The following CNOT1 variants were observed in gnomAD, a reference collection of about 807,000 sequenced individuals.
CNOT1 encodes CCR4-NOT transcription complex subunit 1.
In CNOT1, 15 loss-of-function variants were observed where a neutral mutation model predicts 273.8. The ratio of observed to expected loss-of-function variants is 0.05; its 90% confidence interval spans 0.04 to 0.08. The LOEUF (loss-of-function observed/expected upper bound fraction) is 0.08. CNOT1 is among the 10% of genes least tolerant of loss of function. The pLI, the probability that CNOT1 is intolerant of heterozygous loss-of-function variation, is 1.00. For synonymous variants in CNOT1, 1,022 were observed against 1,005.5 expected, an observed-to-expected ratio of 1.02 and a Z score of -0.31; for missense variants, 1,644 against 2,912.2, an observed-to-expected ratio of 0.56 and a Z score of 10.02.
Position 58,555,394 on chromosome 16 carries a change from T to C in CNOT1, c.2748A>G (p.Leu916=), listed in dbSNP as rs201182374. 3.1e-6 allele frequency: 5 copies of C among 1,614,104 alleles called. No homozygotes were observed. In the East Asian group the frequency reaches 6.7e-5, roughly 22 times the overall value. ...GTCCTTTCTCAATTATACCACCAAA[T>C]AGGCAGGCTGTTATATGTAACTCTT... is the stretch of plus-strand genomic sequence containing the variant. ...PDKELHITAC[L]FGGIIEKGLV... is the part of the protein sequence containing the mutation. Residue 916 remains leucine (L), a synonymous_variant, in exon 21 of 49, where the codon CTA becomes CTG. Transcript: ENST00000317147.
rs1482704521 is a variant in CNOT1 at position 58,538,013 on chromosome 16, C to T, written c.5292G>A (p.Gln1764=). Residue 1764 remains glutamine, a synonymous_variant, in exon 38 of 49, where the codon CAG becomes CAA. Coordinates refer to ENST00000317147, the MANE Select transcript of CNOT1 (RefSeq NM_016284.5). The stretch of plus-strand genomic sequence containing the variant: ...CATCCACCAGCAGGATTTTTACTAA[C>T]TGCATAGCAAATGCCACAGCCATGT... ...LNYMAVAFAM[Q]LVKILLVDER... 1.9e-6 allele frequency: 3 copies of T among 1,614,196 alleles called. No individual in the cohort carries two copies. Among genetic ancestry groups the T allele is most frequent in the African/African-American group, 2.7e-5 (2 of 75,044 alleles).
intron 16 of CNOT1, among the ~76,000 whole-genome samples, chr16:58,563,725 C>G (rs1260201883): frequency 1.3e-5 from 2 of 152,162 alleles, no homozygotes. Context: ...TAATAACAGG[C>G]ACATACTATA....
intron 45 of CNOT1, 149 bp from the exon 46 acceptor site, chr16:58,525,508 A>AAT: frequency 1.5e-6 from 1 of 673,414 alleles, no homozygotes. Flanking sequence ...TTATTTAACA[A>AAT]ACACACAGAT....
At chr16:58,581,594 C>T in intron 10 of CNOT1, 79 bp from the exon 11 acceptor site, 1 of 1,446,920 alleles carries the variant, frequency 6.9e-7, no homozygotes, top group Non-Finnish European at 9.1e-7. Context: ...CAAATTAAAT[C>T]TGAAATTCAA....
rs1304031233 is a variant in CNOT1 at position 58,547,556 on chromosome 16, T to A, written c.3639+10A>T. 1 of 1,602,446 alleles carries A rather than the reference T, an allele frequency of 6.2e-7. No individual in the cohort carries two copies. On this transcript the variant is annotated intron_variant, in intron 26 of 48. Coordinates refer to ENST00000317147, the MANE Select transcript of CNOT1 (RefSeq NM_016284.5). The surrounding 1 kb of genome is among the most constrained non-coding windows in gnomAD (Gnocchi z 4.0). ...GATTCTCAATTTTTACACATTTAGATGAAACTCACAGTGTGTAAGATGGGT... is the reference window on the plus strand; with the variant it reads ...GATTCTCAATTTTTACACATTTAGAAGAAACTCACAGTGTGTAAGATGGGT...
intron 2 of CNOT1, among the ~76,000 whole-genome samples, chr16:58,594,298 C>T (rs1427758254): frequency 4.0e-5 from 6 of 151,890 alleles, no homozygotes; most frequent in Middle Eastern, 3.2e-3. Flanking sequence ...CACAGAAGGC[C>T]ACATACAGTA....
At chr16:58,585,008 A>T (rs1249594433) in intron 8 of CNOT1, among the ~76,000 whole-genome samples, 3 of 152,176 alleles carry the variant, frequency 2.0e-5, no homozygotes, top group Admixed American at 6.5e-5. Flanking sequence ...TAGTCACATT[A>T]AGTGTAAAGC....
At chr16:58,619,020 C>T (rs2043201915) in intron 1 of CNOT1, among the ~76,000 whole-genome samples, 1 of 152,020 alleles carries the variant, frequency 6.6e-6, no homozygotes, top group Non-Finnish European at 1.5e-5. Flanking sequence ...TAGTGAGACC[C>T]CCATCACTAT....
intron 1 of CNOT1, among the ~76,000 whole-genome samples, chr16:58,625,857 C>CAAAAAAA (rs35404068): frequency 1.9e-5 from 2 of 106,398 alleles, no homozygotes; most frequent in South Asian, 3.5e-4. Context: ...AACCCTGTCT[C>CAAAAAAA]AAAAAAAAAA....
intron 38 of CNOT1, among the ~76,000 whole-genome samples, 154 bp downstream of exon 38, chr16:58,537,737 T>A (rs962748358): frequency 2.6e-5 from 4 of 152,228 alleles, no homozygotes; most frequent in African/African-American, 9.6e-5. Context: ...CTTTCATACT[T>A]CAAGTGACAA....
chr16:58,551,281 A>T lies in CNOT1; in HGVS notation c.3202-9T>A. 6.4e-7 allele frequency: 1 copy of T among 1,563,756 alleles called. No individual in the cohort carries two copies. Among genetic ancestry groups the T allele is most frequent in the Non-Finnish European group, 8.6e-7 (1 of 1,164,316 alleles). On this transcript the variant is annotated splice_polypyrimidine_tract_variant and intron_variant, in intron 23 of 48. Coordinates refer to ENST00000317147, the MANE Select transcript of CNOT1 (RefSeq NM_016284.5). Reference sequence around the variant, plus strand: ...GTAGTATTAATAGAAGGCTAAAAAAAAAAAATAAAGTACATAAGGCAAATA... The same window carrying T: ...GTAGTATTAATAGAAGGCTAAAAAATAAAAATAAAGTACATAAGGCAAATA...
intron 40 of CNOT1, among the ~76,000 whole-genome samples, chr16:58,533,804 G>A (rs931170888): frequency 1.2e-4 from 18 of 152,060 alleles, no homozygotes; most frequent in Admixed American, 8.5e-4. Flanking sequence ...CAGTCTGGGC[G>A]ACAGAGCGAG....
intron 16 of CNOT1, among the ~76,000 whole-genome samples, chr16:58,566,698 C>T (rs1005720116): frequency 2.0e-5 from 3 of 152,188 alleles, no homozygotes; most frequent in African/African-American, 7.2e-5. Context: ...CGGAGTTTCA[C>T]TCTTGTTGCC....
intron 2 of CNOT1, among the ~76,000 whole-genome samples, chr16:58,593,143 C>T (rs963086160): frequency 6.6e-6 from 1 of 152,180 alleles, no homozygotes; most frequent in Non-Finnish European, 1.5e-5. Flanking sequence ...CATATTTCGG[C>T]CAGGCGCGGT....
rs1423395530 is a variant in CNOT1 at position 58,574,623 on chromosome 16, C to T, written c.1965G>A (p.Leu655=). ...PETLATMLAC[L]QACAGSVSQE... Reference sequence around the variant, plus strand: ...GTACTTCTTACCCTGCACAAGCTTGCAGACAGGCCAACATTGTCGCCAAAG... The same window carrying T: ...GTACTTCTTACCCTGCACAAGCTTGTAGACAGGCCAACATTGTCGCCAAAG... The change falls in exon 16 of 49, where the codon CTG becomes CTA. Residue 655 remains leucine (L), a synonymous_variant. Transcript: ENST00000317147. 6.3e-7 allele frequency: 1 copy of T among 1,589,216 alleles called. No homozygotes were observed. The highest frequency in any genetic ancestry group is 1.4e-5 in the African/African-American group (1 of 72,934).
intron 16 of CNOT1, among the ~76,000 whole-genome samples, chr16:58,562,431 G>T (rs942472148): frequency 2.0e-5 from 3 of 149,200 alleles, no homozygotes; most frequent in Non-Finnish European, 3.0e-5. Flanking sequence ...TTGAGCCCAG[G>T]ATTTCAAGGC....
At chr16:58,542,666 G>A in intron 31 of CNOT1, 98 bp from the exon 32 acceptor site, 1 of 1,490,256 alleles carries the variant, frequency 6.7e-7, no homozygotes. Context: ...CAGTGCATTT[G>A]GCAAATGCAT....
At chr16:58,531,931 T>G in intron 42 of CNOT1, 27 bp downstream of exon 42, 1 of 1,613,092 alleles carries the variant, frequency 6.2e-7, no homozygotes. Context: ...ATAGTCTTCA[T>G]CTACAGGAGA....
At chr16:58,618,118 T>C (rs1211292806) in intron 1 of CNOT1, among the ~76,000 whole-genome samples, 1 of 151,892 alleles carries the variant, frequency 6.6e-6, no homozygotes, top group Non-Finnish European at 1.5e-5. Context: ...CTAACACAAG[T>C]TATTAGAAAA....
Sources: allele counts gnomAD v4.1 joint callset (sites outside exome capture counted in the v4.1 genomes callset), GRCh38; gene constraint gnomAD v4.1.1; non-coding constraint Gnocchi (gnomAD v3.1); transcripts MANE v1.5; gene names NCBI Gene and HGNC (gene_info 2026-07-23, HGNC 2026-07-21).